Variants in AKAP13 observed in about 807,000 individuals in gnomAD.
AKAP13 encodes A-kinase anchor protein 13.
AKAP13 carries 80 observed loss-of-function variants against 264.5 expected under a neutral mutation model. The observed-to-expected ratio is 0.30, with a 90% CI of 0.25 to 0.36. The LOEUF (loss-of-function observed/expected upper bound fraction) is 0.36, where lower values mean the gene tolerates loss of function less well. AKAP13 is among the 10% of genes least tolerant of loss of function. The probability of loss-of-function intolerance (pLI) is 1.00; values close to 1 mark genes in which losing one functional copy is unlikely to be tolerated. For missense variants in AKAP13, 3,712 were observed against 3,435.2 expected (o/e 1.08, Z -2.01); for synonymous variants, 1,380 against 1,250.2 (o/e 1.10, Z -2.19).
chr15:85,530,824 G>T (rs987081670), intron 3 of AKAP13, among the ~76,000 whole-genome samples: 1 of 152,118 alleles, frequency 6.6e-6, no homozygotes, highest in African/African-American at 2.4e-5. Flanking sequence ...ATTAAGTGAG[G>T]CTATATATGG....
intron 17 of AKAP13, among the ~76,000 whole-genome samples, chr15:85,697,308 C>T (rs1302142174): frequency 6.6e-6 from 1 of 152,172 alleles, no homozygotes; most frequent in African/African-American, 2.4e-5. Flanking sequence ...CAGTGGCTCA[C>T]GCCTGTAATC....
rs758053849 is a variant in AKAP13 at position 85,743,657 on chromosome 15, G to C, written c.8224G>C (p.Gly2742Arg). The C allele has an allele frequency of 6.2e-7, 1 of 1,614,128 alleles. No homozygotes were observed. The highest frequency in any genetic ancestry group is 8.5e-7 in the Non-Finnish European group (1 of 1,180,028). Residue 2742 changes from glycine to arginine, a missense_variant, in exon 36 of 37, where the codon GGG (glycine) becomes CGG (arginine). By Grantham distance (125) the Gly-to-Arg change is moderately radical. This residue lies in a region of AKAP13 where 611 missense variants were observed against 539.3 expected (regional missense o/e 1.13). Coordinates refer to ENST00000394518, the MANE Select transcript of AKAP13 (RefSeq NM_007200.5). ...NSISRTHKDK[G>R]PFHILSSTSQ... ...CATCTCTCGGACACACAAAGATAAG[G>C]GGCCTTTTCACATACTGAGTTCAAC... is the stretch of plus-strand genomic sequence containing the variant.
intron 1 of AKAP13, among the ~76,000 whole-genome samples, chr15:85,387,433 C>T (rs914736488): frequency 1.1e-4 from 17 of 152,138 alleles, no homozygotes; most frequent in Admixed American, 2.0e-4. Context: ...TGGGCCCAAG[C>T]GATTCTCCCA....
rs34080252 is a variant in AKAP13 at position 85,740,775 on chromosome 15, A to ACC, written c.7609-261_7609-260dup. On this transcript the variant is annotated intron_variant, in intron 34 of 36. Transcript: ENST00000394518. ...CACACAGACACACACACACACAACCACCCCCCCCCCCACCCCAGGTAATAC... is the reference window on the plus strand; with the variant it reads ...CACACAGACACACACACACACAACCACCCCCCCCCCCCCACCCCAGGTAATAC... Among the ~76,000 whole-genome samples, 66 of 67,402 alleles carry ACC rather than the reference A, an allele frequency of 9.8e-4. 1 individual carries two copies. The highest frequency in any genetic ancestry group is 4.3e-3 in the African/African-American group (60 of 13,974). The allele number at this position is 67,402 out of a possible 152,430, so 44.2% of individuals were successfully genotyped here.
intron 2 of AKAP13, among the ~76,000 whole-genome samples, chr15:85,503,251 T>C (rs780589251): frequency 3.9e-5 from 6 of 152,214 alleles, no homozygotes; most frequent in Non-Finnish European, 7.3e-5. Context: ...TCCATCCTCT[T>C]AGAGTTTACA....
At chr15:85,408,396 G>C (rs763037341) in intron 1 of AKAP13, among the ~76,000 whole-genome samples, 12 of 151,674 alleles carry the variant, frequency 7.9e-5, no homozygotes, top group African/African-American at 2.9e-4. Flanking sequence ...TCACATTGTC[G>C]TGCAGTCATC....
chr15:85,656,612 A>G (rs1456327717), intron 11 of AKAP13, among the ~76,000 whole-genome samples: 2 of 151,942 alleles, frequency 1.3e-5, no homozygotes, highest in Admixed American at 1.3e-4. Context: ...ACGCCTGGCT[A>G]ATTTTTTTTG....
chr15:85,456,968 A>T (rs1312031339), intron 1 of AKAP13, among the ~76,000 whole-genome samples: 1 of 152,196 alleles, frequency 6.6e-6, no homozygotes, highest in Non-Finnish European at 1.5e-5. Context: ...ATAGTTTATT[A>T]TCTACTGTGA....
chr15:85,622,315 T>A (rs1230200651), intron 8 of AKAP13, among the ~76,000 whole-genome samples: 2 of 152,154 alleles, frequency 1.3e-5, no homozygotes, highest in East Asian at 3.9e-4. Context: ...AAAGCTGATC[T>A]CCAGAGGATG....
Position 85,579,837 on chromosome 15 carries a change from C to A in AKAP13, c.1769C>A (p.Pro590Gln), listed in dbSNP as rs753437582. 1 of 1,614,170 alleles carries A rather than the reference C, an allele frequency of 6.2e-7. No individual in the cohort carries two copies. Among genetic ancestry groups the A allele is most frequent in the Admixed American group, 1.7e-5 (1 of 60,026 alleles). The part of the protein sequence containing the change: ...APVDQNSVVI[P>Q]AAAKDKISDG... ...GTAGATCAGAATTCTGTGGTGATTCCAGCTGCTGCAAAAGACAAGATTTCA... is the reference window on the plus strand; with the variant it reads ...GTAGATCAGAATTCTGTGGTGATTCAAGCTGCTGCAAAAGACAAGATTTCA... The change falls in exon 7 of 37, where the codon CCA becomes CAA. Residue 590 changes from proline to glutamine, a missense_variant. Pro to Gln is a moderately conservative substitution (Grantham distance 76). Transcript: ENST00000394518.
rs181593659 is a variant in AKAP13, at chr15:85,658,545, G to A, written c.4754G>A (p.Arg1585Gln). The A allele has an allele frequency of 1.2e-5, 20 of 1,613,752 alleles. No individual in the cohort carries two copies. In the Admixed American group the frequency reaches 1.7e-4, roughly 13 times the overall value. Reference protein sequence around the residue: ...DAEMNHRSSMRVLGDVVRRPP... With the variant: ...DAEMNHRSSMQVLGDVVRRPP... ...TCACCATTCATTTTCAGTTCAATGC[G>A]AGTTCTTGGGGATGTTGTCAGGAGA... is the stretch of plus-strand genomic sequence containing the variant. The change falls in exon 12 of 37, where the codon CGA becomes CAA. Residue 1585 changes from arginine (R) to glutamine (Q), a missense_variant. Transcript: ENST00000394518.
At chr15:85,445,473 T>G (rs1404444160) in intron 1 of AKAP13, among the ~76,000 whole-genome samples, 1 of 152,206 alleles carries the variant, frequency 6.6e-6, no homozygotes, top group Non-Finnish European at 1.5e-5. Flanking sequence ...GGCAGGAAAT[T>G]TAGTTATTTA....
intron 1 of AKAP13, among the ~76,000 whole-genome samples, chr15:85,459,185 C>G (rs1341751100): frequency 6.6e-6 from 1 of 152,066 alleles, no homozygotes. Context: ...GAAATTACTA[C>G]TTGCTCATCT....
At chr15:85,470,840 T>C (rs1245021088) in intron 1 of AKAP13, among the ~76,000 whole-genome samples, 2 of 152,252 alleles carry the variant, frequency 1.3e-5, no homozygotes, top group African/African-American at 4.8e-5. Context: ...AGAGATGCAG[T>C]ATCTCAGGAA....
chr15:85,650,339 G>GAGGATC (rs1469105011), intron 10 of AKAP13, among the ~76,000 whole-genome samples: 1 of 152,188 alleles, frequency 6.6e-6, no homozygotes, highest in African/African-American at 2.4e-5. Context: ...GCAGAGGCGA[G>GAGGATC]AGGATCACTT....
chr15:85,707,306 A>G (rs1312754800), intron 17 of AKAP13, among the ~76,000 whole-genome samples: 1 of 152,208 alleles, frequency 6.6e-6, no homozygotes, highest in Non-Finnish European at 1.5e-5. Flanking sequence ...AAGGGAGTGA[A>G]AAGTAAAGGA....
Position 85,639,282 on chromosome 15 carries a change from G to A in AKAP13, c.4162-92G>A, listed in dbSNP as rs77022502. ...TCACCCTGTATTAAAGAAAAAGATAGGAATGTTGGTCAGTTGACATAATTT... is the reference window on the plus strand; with the variant it reads ...TCACCCTGTATTAAAGAAAAAGATAAGAATGTTGGTCAGTTGACATAATTT... On this transcript the variant is annotated intron_variant, in intron 8 of 36. Transcript: ENST00000394518. The A allele has an allele frequency of 2.7e-3, 2,413 of 908,620 alleles. 31 individuals carry two copies. The African/African-American group carries it at 0.028, about 11-fold the overall frequency. 56.3% of individuals were successfully genotyped at this position (908,620 alleles called of 1,614,324 possible). A position where few individuals can be genotyped will look rare whatever the true frequency, so the allele number is the denominator to read the frequency against.
chr15:85,504,708 A>T (rs2151100695), intron 2 of AKAP13, among the ~76,000 whole-genome samples: 1 of 135,168 alleles, frequency 7.4e-6, no homozygotes, highest in African/African-American at 2.5e-5. Context: ...AAAAAAAAAA[A>T]AAAAAAATCC....
At chr15:85,728,411 A>G (rs2087748234) in intron 29 of AKAP13, among the ~76,000 whole-genome samples, 1 of 152,208 alleles carries the variant, frequency 6.6e-6, no homozygotes, top group African/African-American at 2.4e-5. Flanking sequence ...TTGGCCCATG[A>G]TTAGGATGAC....
Sources: gnomAD v4.1 joint callset for allele counts (sites outside exome capture counted in the v4.1 genomes callset) on GRCh38, gnomAD v4.1.1 for gene constraint, gnomAD v4.1.1 regional missense constraint, MANE v1.5 for transcripts, NCBI Gene and HGNC (gene_info 2026-07-23, HGNC 2026-07-21) for gene names.